CDCA2: variants seen among roughly 807,000 people sequenced by gnomAD.
The protein encoded by CDCA2 is cell division cycle associated 2, also known as cell division cycle-associated protein 2.
CDCA2 carries 44 observed loss-of-function variants against 67.0 expected under a neutral mutation model. That is an observed-to-expected ratio of 0.66 (90% confidence interval 0.52 to 0.84). The LOEUF (loss-of-function observed/expected upper bound fraction) is 0.84, where lower values mean the gene tolerates loss of function less well. CDCA2 is among the 40% of genes least tolerant of loss of function. CDCA2 has a pLI of 0.00. For missense variants in CDCA2, 1,253 were observed against 1,203.2 expected (o/e 1.04, Z -0.61); for synonymous variants, 447 against 418.7 (o/e 1.07, Z -0.82).
intron 13 of CDCA2, among the ~76,000 whole-genome samples, chr8:25,491,879 C>T (rs1473616122): frequency 6.6e-6 from 1 of 152,156 alleles, no homozygotes; most frequent in Non-Finnish European, 1.5e-5. Flanking sequence ...CTCACCACAA[C>T]CTCCACCTCC....
rs1804715549 is a variant in CDCA2 at position 25,507,178 on chromosome 8, G to T, written c.2512G>T (p.Asp838Tyr). Reference protein sequence around the residue: ...KDRRRSMCYSDGRSLHLEKNG... With the variant: ...KDRRRSMCYSYGRSLHLEKNG... ...TAGAAGACGTTCCATGTGTTATTCT[G>T]ATGGTCGAAGTTTACATTTGGAAAA... The change falls in exon 15 of 15, where the codon GAT becomes TAT. Residue 838 changes from aspartate (D) to tyrosine (Y), a missense_variant. Transcript: ENST00000330560. 6.2e-7 allele frequency: 1 copy of T among 1,614,076 alleles called. No homozygotes were observed. Among genetic ancestry groups the T allele is most frequent in the Non-Finnish European group, 8.5e-7 (1 of 1,180,042 alleles).
At chr8:25,492,136 G>GA (rs1314600064) in intron 13 of CDCA2, among the ~76,000 whole-genome samples, 3 of 150,926 alleles carry the variant, frequency 2.0e-5, no homozygotes, top group African/African-American at 7.3e-5. Context: ...CGGGGGGTTG[G>GA]GGGGTCTCAC....
At position 25,492,798 on chromosome 8, in the gene CDCA2, TAAC is replaced by T. The variant is rs567094084; in HGVS notation, c.1671+4112_1671+4114del. On this transcript the variant is annotated intron_variant, in intron 13 of 14. Coordinates refer to ENST00000330560, the MANE Select transcript of CDCA2 (RefSeq NM_152562.4). ...TTGTTGTGCAGGACAATGTGAGTAT[TAAC>T]AATCTAATGATAGGAAAATGTAGTT... Among the ~76,000 whole-genome samples the T allele has an allele frequency of 7.0e-4, 107 of 152,330 alleles. 1 individual carries two copies. The highest frequency in any genetic ancestry group is 2.5e-3 in the African/African-American group (104 of 41,582).
chr8:25,469,908 C>G lies in CDCA2; in HGVS notation c.748C>G (p.Leu250Val). The G allele has an allele frequency of 6.2e-7, 1 of 1,608,382 alleles. No homozygotes were observed. ...SVDLSEISSKLGSTQSGFLVE... is the reference protein window; with the variant it reads ...SVDLSEISSKVGSTQSGFLVE... ...ATTTTTCCCCAAGATATCATCTAAA[C>G]TTGGTTCAACACAGTCTGGATTTTT... Residue 250 changes from leucine to valine, a missense_variant, in exon 7 of 15, where the codon CTT becomes GTT. Transcript: ENST00000330560.
At chr8:25,477,831 C>T (rs536826207) in intron 7 of CDCA2, among the ~76,000 whole-genome samples, 1 of 152,206 alleles carries the variant, frequency 6.6e-6, no homozygotes, top group South Asian at 2.1e-4. Flanking sequence ...CCAACCTGCT[C>T]ATCTCTGTTT....
intron 13 of CDCA2, among the ~76,000 whole-genome samples, chr8:25,497,752 GTTAGT>G (rs1804292579): frequency 1.3e-5 from 2 of 152,116 alleles, no homozygotes; most frequent in Admixed American, 6.6e-5. Context: ...TGGTGGATAT[GTTAGT>G]TTAATCATTT....
intron 13 of CDCA2, among the ~76,000 whole-genome samples, chr8:25,490,765 G>A (rs1803970679): frequency 6.6e-6 from 1 of 152,182 alleles, no homozygotes. Context: ...CCACAGTCTT[G>A]ACAGCCAGCT....
At chr8:25,495,405 T>C (rs1804175822) in intron 13 of CDCA2, among the ~76,000 whole-genome samples, 1 of 149,258 alleles carries the variant, frequency 6.7e-6, no homozygotes, top group Admixed American at 6.7e-5. Flanking sequence ...GAAATTTGAA[T>C]ATAAGTGGGA....
chr8:25,460,613 A>G, intron 3 of CDCA2, 59 bp downstream of exon 3: 1 of 1,526,246 alleles, frequency 6.6e-7, no homozygotes, highest in Non-Finnish European at 8.9e-7. Context: ...ACTTTAATAT[A>G]ACTCAGCTTT....
At chr8:25,495,381 T>A (rs893561846) in intron 13 of CDCA2, among the ~76,000 whole-genome samples, 1 of 152,124 alleles carries the variant, frequency 6.6e-6, no homozygotes, top group African/African-American at 2.4e-5. Flanking sequence ...TCATTAAGAA[T>A]TTTTTCAAAC....
intron 7 of CDCA2, among the ~76,000 whole-genome samples, chr8:25,471,265 G>T (rs908860401): frequency 6.6e-6 from 1 of 152,186 alleles, no homozygotes; most frequent in African/African-American, 2.4e-5. Flanking sequence ...AGATAAATGG[G>T]TGGATGTCCG....
chr8:25,491,292 AATT>A (rs1483203856), intron 13 of CDCA2, among the ~76,000 whole-genome samples: 2 of 152,184 alleles, frequency 1.3e-5, no homozygotes, highest in Non-Finnish European at 2.9e-5. Context: ...GAATGGAAGA[AATT>A]ATTCAAATAA....
At chr8:25,459,184 A>AG (rs1333557469), upstream of CDCA2, 4 of 146,356 alleles carry the variant, frequency 2.7e-5, no homozygotes, top group African/African-American at 5.1e-5. Context: ...TTCGGTACCG[A>AG]GGGGCGGGGT....
chr8:25,494,907 C>T (rs1004509699), intron 13 of CDCA2, among the ~76,000 whole-genome samples: 2 of 151,896 alleles, frequency 1.3e-5, no homozygotes, highest in African/African-American at 2.4e-5. Context: ...TGTGAGGACA[C>T]AGCAAGAAGG....
Position 25,480,132 on chromosome 8 carries a change from G to A in CDCA2, c.1032+8G>A, listed in dbSNP as rs1803511802. 2 of 1,606,780 alleles carry A rather than the reference G, an allele frequency of 1.2e-6. No individual in the cohort carries two copies. The highest frequency in any genetic ancestry group is 2.7e-5 in the African/African-American group (2 of 74,700). On this transcript the variant is annotated splice_region_variant and intron_variant, in intron 8 of 14. Coordinates refer to ENST00000330560, the MANE Select transcript of CDCA2 (RefSeq NM_152562.4). ...TGTCTAGAGAGCTTACAGGTAAGAAGAGAGTTAAATTTCCTAAAGCAAATG... is the reference window on the plus strand; with the variant it reads ...TGTCTAGAGAGCTTACAGGTAAGAAAAGAGTTAAATTTCCTAAAGCAAATG...
rs762463563 is a variant in CDCA2, at chr8:25,483,473, A to G, written c.1107A>G (p.Lys369=). The G allele has an allele frequency of 6.2e-7, 1 of 1,609,974 alleles. No homozygotes were observed. Among genetic ancestry groups the G allele is most frequent in the Non-Finnish European group, 8.5e-7 (1 of 1,177,752 alleles). The change falls in exon 9 of 15, where the codon AAA becomes AAG. Residue 369 remains lysine (K), a synonymous_variant. Transcript: ENST00000330560. ...SLISNLPNCC[K]EKEAEDEENF... ...TCTCAAATCTCCCAAACTGTTGCAAAGAGAAAGAAGCAGGTAAGAAATTCA... is the reference window on the plus strand; with the variant it reads ...TCTCAAATCTCCCAAACTGTTGCAAGGAGAAAGAAGCAGGTAAGAAATTCA...
intron 9 of CDCA2, 42 bp from the exon 10 acceptor site, chr8:25,483,924 A>T (rs1181603991): frequency 6.5e-7 from 1 of 1,543,598 alleles, no homozygotes; most frequent in Non-Finnish European, 8.9e-7. Flanking sequence ...TAAGAAATAT[A>T]GCTTAATTTT....
intron 4 of CDCA2, among the ~76,000 whole-genome samples, chr8:25,465,091 A>G (rs537192107): frequency 6.6e-6 from 1 of 152,114 alleles, no homozygotes; most frequent in African/African-American, 2.4e-5. Flanking sequence ...CTCCCACCTC[A>G]GCCTCCCACA....
intron 13 of CDCA2, among the ~76,000 whole-genome samples, chr8:25,494,944 G>A (rs1419795046): frequency 6.6e-6 from 1 of 151,926 alleles, no homozygotes; most frequent in African/African-American, 2.4e-5. Context: ...AAGGAGAGAG[G>A]CCCCAAGAGA....
Sources: allele counts gnomAD v4.1 joint callset (sites outside exome capture counted in the v4.1 genomes callset), GRCh38; gene constraint gnomAD v4.1.1; transcripts MANE v1.5; gene names NCBI Gene and HGNC (gene_info 2026-07-23, HGNC 2026-07-21).